The following CECR2 variants were observed in gnomAD, a reference collection of about 807,000 sequenced individuals.
The protein encoded by CECR2 is CECR2 histone acetyl-lysine reader, also known as chromatin remodeling regulator CECR2.
In CECR2, 30 loss-of-function variants were observed where a neutral mutation model predicts 154.5. The ratio of observed to expected loss-of-function variants is 0.19; its 90% CI spans 0.15 to 0.26. CECR2 has a LOEUF of 0.26. Among genes scored for constraint, CECR2 ranks in the 10% least tolerant of loss-of-function variants. The probability of loss-of-function intolerance (pLI) is 1.00; values close to 1 mark genes in which losing one functional copy is unlikely to be tolerated. For missense variants in CECR2, 1,743 were observed against 1,829.3 expected (o/e 0.95, Z 0.86); for synonymous variants, 725 against 683.7 (o/e 1.06, Z -0.94).
intron 1 of CECR2, among the ~76,000 whole-genome samples, chr22:17,442,730 G>A (rs990595134): frequency 5.9e-5 from 9 of 152,046 alleles, no homozygotes; most frequent in Non-Finnish European, 1.3e-4. Flanking sequence ...TGTATTTTTA[G>A]TAGAGACGGG....
chr22:17,398,606 C>T (rs548784376), intron 1 of CECR2, among the ~76,000 whole-genome samples: 1 of 152,288 alleles, frequency 6.6e-6, no homozygotes, highest in East Asian at 1.9e-4. Context: ...TTCTGTGACA[C>T]TGGACAATTT....
rs1280553036 is a variant in CECR2, at chr22:17,542,275, T to C, written c.2132T>C (p.Leu711Pro). 3 of 1,611,142 alleles carry C rather than the reference T, an allele frequency of 1.9e-6. No homozygotes were observed. Among genetic ancestry groups the C allele is most frequent in the Non-Finnish European group, 2.5e-6 (3 of 1,178,708 alleles). ...NMGPHPGSLQ[L>P]GQISGPSQDG... ...GGCCCACACCCTGGATCCTTGCAGC[T>C]TGGGCAGATAAGTGGCCCAAGTCAG... is the stretch of plus-strand genomic sequence containing the variant. Residue 711 changes from leucine (L) to proline (P), a missense_variant, in exon 16 of 19, where the codon CTT (leucine) becomes CCT (proline). By Grantham distance (98) the Leu-to-Pro change is moderately conservative. Around this residue, in one of 4 missense-constraint regions of CECR2, gnomAD observed 1,250 missense variants for 1,192.1 expected, o/e 1.05. Transcript: ENST00000262608.
Position 17,407,367 on chromosome 22 carries a change from G to A in CECR2, c.126+37458G>A, listed in dbSNP as rs554482847. Reference sequence around the variant, plus strand: ...TCCCAGCACTTTGGGAGGCCAAGGCGGGTGGATCACCTGAGGTCAGGAGTT... The same window carrying A: ...TCCCAGCACTTTGGGAGGCCAAGGCAGGTGGATCACCTGAGGTCAGGAGTT... On this transcript the variant is annotated intron_variant, in intron 1 of 18. Coordinates refer to ENST00000262608, the MANE Select transcript of CECR2 (RefSeq NM_001290047.2). 6.6e-5 allele frequency among the ~76,000 whole-genome samples: 10 copies of A among 152,274 alleles called. No individual in the cohort carries two copies. In the East Asian group the frequency reaches 1.5e-3, roughly 24 times the overall value.
intron 1 of CECR2, among the ~76,000 whole-genome samples, chr22:17,436,884 A>AG: frequency 6.6e-6 from 1 of 152,214 alleles, no homozygotes; most frequent in Non-Finnish European, 1.5e-5. Context: ...AGCAATCTTT[A>AG]GGCAGGAACT....
chr22:17,421,594 G>A (rs1311923530), intron 1 of CECR2, among the ~76,000 whole-genome samples: 65 of 112,566 alleles, frequency 5.8e-4, no homozygotes, highest in African/African-American at 2.1e-3. Context: ...CAGCCTGGGC[G>A]ACAGAGCGAG....
intron 1 of CECR2, among the ~76,000 whole-genome samples, chr22:17,427,517 T>C (rs919590363): frequency 2.6e-5 from 4 of 151,860 alleles, no homozygotes; most frequent in Non-Finnish European, 5.9e-5. Flanking sequence ...GCGTCCAGGG[T>C]TTGTTCCTTC....
rs556417984 is a variant in CECR2, at chr22:17,549,349, G to A, written c.4062G>A (p.Pro1354=). 28 of 1,613,866 alleles carry A rather than the reference G, an allele frequency of 1.7e-5. No individual in the cohort carries two copies. Among genetic ancestry groups the A allele is most frequent in the East Asian group, 6.7e-5 (3 of 44,878 alleles). ...QTGPPYTPQR[P]ASHFQPRAYS... Reference sequence around the variant, plus strand: ...GGCCTCCCTATACCCCTCAGCGGCCGGCCAGTCACTTTCAGCCCAGGGCTT... The same window carrying A: ...GGCCTCCCTATACCCCTCAGCGGCCAGCCAGTCACTTTCAGCCCAGGGCTT... Residue 1354 remains proline (P), a synonymous_variant, in exon 17 of 19, where the codon CCG becomes CCA. Coordinates refer to ENST00000262608, the MANE Select transcript of CECR2 (RefSeq NM_001290047.2).
At chr22:17,484,665 C>T (rs111897927) in intron 2 of CECR2, among the ~76,000 whole-genome samples, 5 of 152,188 alleles carry the variant, frequency 3.3e-5, no homozygotes, top group African/African-American at 9.6e-5. Context: ...CTTTGGGAGG[C>T]CAAGGTGGGC....
At chr22:17,512,725 GA>G (rs2055981742) in intron 8 of CECR2, among the ~76,000 whole-genome samples, 1 of 113,204 alleles carries the variant, frequency 8.8e-6, no homozygotes, top group South Asian at 2.5e-4. Flanking sequence ...AAAAAAAAAA[GA>G]AAGAAAGAAA....
At chr22:17,543,380 C>T (rs1040515751) in intron 16 of CECR2, among the ~76,000 whole-genome samples, 2 of 152,006 alleles carry the variant, frequency 1.3e-5, no homozygotes, top group Non-Finnish European at 2.9e-5. Flanking sequence ...GTGACCTGCC[C>T]CCGTCGGCCT....
chr22:17,556,949 T>C lies in CECR2; in HGVS notation c.*4109T>C, dbSNP rs921035103. ...TTATTTCGGTTGAGAATGCAGAGGCTTTTATTCGTGGACTCACATCACTGC... is the reference window on the plus strand; with the variant it reads ...TTATTTCGGTTGAGAATGCAGAGGCCTTTATTCGTGGACTCACATCACTGC... On this transcript the variant is annotated 3_prime_UTR_variant, in exon 19 of 19. Transcript: ENST00000262608. 3 of 143,930 alleles carry C rather than the reference T, an allele frequency of 2.1e-5. No homozygotes were observed. The highest frequency in any genetic ancestry group is 7.1e-5 in the Admixed American group (1 of 14,162). The allele number at this position is 143,930 out of a possible 1,614,324, so 8.9% of individuals were successfully genotyped here. A position where few individuals can be genotyped will look rare whatever the true frequency, so the allele number is the denominator to read the frequency against.
chr22:17,460,199 CT>C (rs200550031), intron 1 of CECR2, among the ~76,000 whole-genome samples: 1,762 of 152,246 alleles, frequency 0.012, 27 homozygotes, highest in African/African-American at 0.038. Flanking sequence ...GAGGTTTCTT[CT>C]TTGGAAAAAA....
At chr22:17,395,657 C>T (rs567246873) in intron 1 of CECR2, among the ~76,000 whole-genome samples, 5 of 152,168 alleles carry the variant, frequency 3.3e-5, no homozygotes, top group Middle Eastern at 3.4e-3. Flanking sequence ...ACATTTGACT[C>T]TTAAATACTT....
At chr22:17,453,909 G>A (rs766052158) in intron 1 of CECR2, among the ~76,000 whole-genome samples, 18 of 152,026 alleles carry the variant, frequency 1.2e-4, no homozygotes, top group Non-Finnish European at 5.9e-5. Context: ...TTATGGCACC[G>A]GGAAACAAGC....
intron 1 of CECR2, among the ~76,000 whole-genome samples, chr22:17,388,908 G>A (rs1039876307): frequency 2.0e-5 from 3 of 152,014 alleles, no homozygotes; most frequent in African/African-American, 4.8e-5. Flanking sequence ...CAGCCTCCGG[G>A]TTCAAGCAGT....
chr22:17,409,492 A>G lies in CECR2; in HGVS notation c.126+39583A>G, dbSNP rs1287404285. Among the ~76,000 whole-genome samples, 2 of 112,134 alleles carry G rather than the reference A, an allele frequency of 1.8e-5. 1 individual carries two copies. The highest frequency in any genetic ancestry group is 4.3e-5 in the Non-Finnish European group (2 of 46,920). 73.6% of individuals were successfully genotyped at this position (112,134 alleles called of 152,430 possible). A position where few individuals can be genotyped will look rare whatever the true frequency, so the allele number is the denominator to read the frequency against. ...GTGATCCGCCTGCCTCGGCCTCCCA[A>G]AGTGCTGGGATTACAGGCATGAGCC... On this transcript the variant is annotated intron_variant, in intron 1 of 18. Transcript: ENST00000262608.
chr22:17,428,554 A>T (rs1437271794), intron 1 of CECR2: 1 of 152,232 alleles, frequency 6.6e-6, no homozygotes, highest in Non-Finnish European at 1.5e-5. Flanking sequence ...AGATAAAAGC[A>T]TGATTATTTC....
intron 9 of CECR2, among the ~76,000 whole-genome samples, chr22:17,531,712 G>A (rs915837963): frequency 6.6e-6 from 1 of 152,194 alleles, no homozygotes; most frequent in Non-Finnish European, 1.5e-5. Flanking sequence ...GATACAGAAA[G>A]CAAGAAGAGA....
chr22:17,453,294 TAACTG>T (rs2054800684), intron 1 of CECR2, among the ~76,000 whole-genome samples: 1 of 151,968 alleles, frequency 6.6e-6, no homozygotes, highest in Non-Finnish European at 1.5e-5. Context: ...ATACAAAAAT[TAACTG>T]GACACGGTGG....
Sources: gnomAD v4.1 joint callset for allele counts (sites outside exome capture counted in the v4.1 genomes callset) on GRCh38, gnomAD v4.1.1 for gene constraint, gnomAD v4.1.1 regional missense constraint, MANE v1.5 for transcripts, NCBI Gene and HGNC (gene_info 2026-07-23, HGNC 2026-07-21) for gene names.